The following POLL variants were observed in gnomAD, a reference collection of about 807,000 sequenced individuals.
POLL encodes the protein DNA polymerase beta-2.
Under a neutral mutation model 58.1 loss-of-function variants are expected in POLL, and 44 were observed. That is an observed-to-expected ratio of 0.76 (90% CI 0.60 to 0.97). POLL has a LOEUF of 0.97. POLL is among the 50% of genes least tolerant of loss of function. The pLI is 0.00. For synonymous variants in POLL, 290 were observed against 283.2 expected (o/e 1.02, Z -0.24); for missense variants, 632 against 736.8 (o/e 0.86, Z 1.65).
intron 4 of POLL, 46 bp from the exon 5 acceptor site, chr10:101,584,965 G>A (rs2063221744): frequency 7.9e-7 from 1 of 1,262,742 alleles, no homozygotes; most frequent in Admixed American, 3.5e-5. Flanking sequence ...TGTTCTCCAA[G>A]AGAAGGGATC....
In POLL at chr10:101,583,584, T is replaced by A; in HGVS notation, c.989A>T (p.Glu330Val). 6.2e-7 allele frequency: 1 copy of A among 1,614,104 alleles called. No homozygotes were observed. The highest frequency in any genetic ancestry group is 8.5e-7 in the Non-Finnish European group (1 of 1,180,028). Residue 330 changes from glutamate to valine, a missense_variant, in exon 6 of 9, where the codon GAG becomes GTG. Physicochemically the swap from Glu to Val is moderately radical, Grantham distance 121 (BLOSUM62 -2). Transcript: ENST00000370162. ...GHLRKLDHIS[E>V]SVPVLELFSN... ...GAAGAGCTCCAAGACAGGCACGCTC[T>A]CACTGATATGGTCCAGCTTCCGCAA...
In POLL at chr10:101,579,722, G is replaced by A. The variant is rs113383598; in HGVS notation, c.1459C>T (p.Arg487Trp). 8.7e-6 allele frequency: 14 copies of A among 1,613,718 alleles called. No individual in the cohort carries two copies. Among genetic ancestry groups the A allele is most frequent in the Middle Eastern group, 1.6e-4 (1 of 6,062 alleles). The change falls in exon 9 of 9, where the codon CGG becomes TGG. Residue 487 changes from arginine (R) to tryptophan (W), a missense_variant. Arg to Trp is a moderately radical substitution (Grantham distance 101). Transcript: ENST00000370162. This position sits in a 1 kb window ranked among gnomAD's most constrained non-coding sequence, Gnocchi z 4.4. ...GGCACCACGATGATGTCCAGGCGCC[G>A]GTGCCGCCGCCCTGGCCCTGGGAGC... ...CRLPGPGRRH[R>W]RLDIIVVPYS...
Position 101,584,627 on chromosome 10 carries a change from A to G in POLL, c.866T>C (p.Phe289Ser), listed in dbSNP as rs781387675. Residue 289 changes from phenylalanine to serine, a missense_variant, in exon 5 of 9, where the codon TTC becomes TCC. Transcript: ENST00000370162. Reference protein sequence around the residue: ...YAKAINALKSFHKPVTSYQEA... With the variant: ...YAKAINALKSSHKPVTSYQEA... ...CTGGTACGAGGTGACAGGCTTATGGAAGCTCTTGAGGGCATTGATGGCCTT... is the reference window on the plus strand; with the variant it reads ...CTGGTACGAGGTGACAGGCTTATGGGAGCTCTTGAGGGCATTGATGGCCTT... The G allele has an allele frequency of 6.3e-7, 1 of 1,587,590 alleles. No homozygotes were observed. The highest frequency in any genetic ancestry group is 1.4e-5 in the African/African-American group (1 of 73,982).
rs2063471903 is a variant in POLL, at chr10:101,587,823, T to C, written c.-48A>G. On this transcript the variant is annotated splice_region_variant and 5_prime_UTR_variant, in exon 1 of 9. Transcript: ENST00000370162. ...AAACCCCACATACTATTTCTCTACC[T>C]CCAACACAGACTCGCAGAGGAAGGA... is the stretch of plus-strand genomic sequence containing the variant. 4.2e-6 allele frequency: 5 copies of C among 1,190,514 alleles called. No individual in the cohort carries two copies. The highest frequency in any genetic ancestry group is 2.4e-4 in the Middle Eastern group (1 of 4,224). 73.7% of individuals were successfully genotyped at this position (1,190,514 alleles called of 1,614,324 possible).
At position 101,579,934 on chromosome 10, in the gene POLL, C is replaced by A; in HGVS notation, c.1364-117G>T. ...TTGCCCAGGTATTAGCTGGGTGACA[C>A]TACCCTCTCTGGGCCCTTCTCCTTT... On this transcript the variant is annotated intron_variant, in intron 8 of 8. Coordinates refer to ENST00000370162, the MANE Select transcript of POLL (RefSeq NM_001174084.2). The surrounding 1 kb of genome is among the most constrained non-coding windows in gnomAD (Gnocchi z 4.4). 8.9e-7 allele frequency: 1 copy of A among 1,127,862 alleles called. No individual in the cohort carries two copies. The allele number at this position is 1,127,862 out of a possible 1,614,324, so 69.9% of individuals were successfully genotyped here. A position where few individuals can be genotyped will look rare whatever the true frequency, so the allele number is the denominator to read the frequency against.
Position 101,579,977 on chromosome 10 carries a change from G to A in POLL, c.1364-160C>T, listed in dbSNP as rs2062890942. On this transcript the variant is annotated intron_variant, in intron 8 of 8. Transcript: ENST00000370162. This position sits in a 1 kb window ranked among gnomAD's most constrained non-coding sequence, Gnocchi z 4.4. Reference sequence around the variant, plus strand: ...TCTCCTTTTCTGTAAAACATGGATAGTAATTCCCATCTCCCCCATAGTGTC... The same window carrying A: ...TCTCCTTTTCTGTAAAACATGGATAATAATTCCCATCTCCCCCATAGTGTC... The A allele has an allele frequency of 1.2e-6, 1 of 811,670 alleles. No individual in the cohort carries two copies. Among genetic ancestry groups the A allele is most frequent in the Admixed American group, 2.9e-5 (1 of 34,236 alleles). The allele number at this position is 811,670 out of a possible 1,614,324, so 50.3% of individuals were successfully genotyped here. A position where few individuals can be genotyped will look rare whatever the true frequency, so the allele number is the denominator to read the frequency against.
intron 6 of POLL, 138 bp downstream of exon 6, chr10:101,583,370 G>C (rs988875228): frequency 2.2e-6 from 2 of 905,190 alleles, no homozygotes; most frequent in Admixed American, 2.3e-5. Flanking sequence ...TGGTCCGCTT[G>C]AAAAATGGTC....
Position 101,588,123 on chromosome 10 carries a change from A to T in POLL, c.-348T>A. 1 of 1,516,614 alleles carries T rather than the reference A, an allele frequency of 6.6e-7. No homozygotes were observed. The highest frequency in any genetic ancestry group is 8.8e-7 in the Non-Finnish European group (1 of 1,135,002). 93.9% of individuals were successfully genotyped at this position (1,516,614 alleles called of 1,614,324 possible). A position where few individuals can be genotyped will look rare whatever the true frequency, so the allele number is the denominator to read the frequency against. ...CGACCCCGGCCCCAAGAGTCTCTCC[A>T]ACCCCCAGAGTCGGTCCCCGGGTGG... On this transcript the variant is annotated 5_prime_UTR_variant, in exon 1 of 9. Coordinates refer to ENST00000370162, the MANE Select transcript of POLL (RefSeq NM_001174084.2).
At position 101,579,346 on chromosome 10, in the gene POLL, G is replaced by A; in HGVS notation, c.*107C>T. The stretch of plus-strand genomic sequence containing the variant: ...CTGGGCCCTGCTCGCTGAGGAAGCT[G>A]GTGGTTGGAGCGGCGAGGTTCAGCC... On this transcript the variant is annotated 3_prime_UTR_variant, in exon 9 of 9. Transcript: ENST00000370162. This position sits in a 1 kb window ranked among gnomAD's most constrained non-coding sequence, Gnocchi z 4.4. The A allele has an allele frequency of 7.5e-7, 1 of 1,328,296 alleles. No homozygotes were observed. Among genetic ancestry groups the A allele is most frequent in the Non-Finnish European group, 1.0e-6 (1 of 977,848 alleles). 82.3% of individuals were successfully genotyped at this position (1,328,296 alleles called of 1,614,324 possible). A position where few individuals can be genotyped will look rare whatever the true frequency, so the allele number is the denominator to read the frequency against.
In POLL at chr10:101,583,449, C is replaced by G. The variant is rs980359253; in HGVS notation, c.1065+59G>C. 3.2e-6 allele frequency: 5 copies of G among 1,575,994 alleles called. No homozygotes were observed. In the African/African-American group the frequency reaches 6.7e-5, roughly 21 times the overall value. ...ATCTGGGGCAGAGCACAGCACACAT[C>G]TGGGGCAGGAACTCTGAGACACAGC... is the stretch of plus-strand genomic sequence containing the variant. On this transcript the variant is annotated intron_variant, in intron 6 of 8. Transcript: ENST00000370162.
chr10:101,587,130 C>T, intron 2 of POLL, 116 bp downstream of exon 2: 2 of 1,607,552 alleles, frequency 1.2e-6, no homozygotes, highest in Non-Finnish European at 1.7e-6. Context: ...ACCTGCAGGC[C>T]CTGGACAGGC....
At chr10:101,583,291 C>T (rs1253338761) in intron 6 of POLL, 1 of 601,022 alleles carries the variant, frequency 1.7e-6, no homozygotes, top group East Asian at 2.7e-5. Context: ...CTTCTTGTCC[C>T]TGTCTACTCC....
In POLL at chr10:101,579,751, C is replaced by G; in HGVS notation, c.1430G>C (p.Cys477Ser). The change falls in exon 9 of 9, where the codon TGC becomes TCC. Residue 477 changes from cysteine (C) to serine (S), a missense_variant. Cys to Ser is a moderately radical substitution (Grantham distance 112). Coordinates refer to ENST00000370162, the MANE Select transcript of POLL (RefSeq NM_001174084.2). This position sits in a 1 kb window ranked among gnomAD's most constrained non-coding sequence, Gnocchi z 4.4. ...NGQQQKYLGV[C>S]RLPGPGRRHR... is the part of the protein sequence containing the mutation. ...CCGCCGCCCTGGCCCTGGGAGCCGG[C>G]ACACCCCCAAGTACTTCTGTTGCTG... 6.2e-7 allele frequency: 1 copy of G among 1,613,904 alleles called. No homozygotes were observed. The highest frequency in any genetic ancestry group is 8.5e-7 in the Non-Finnish European group (1 of 1,180,034).
chr10:101,585,471 C>A lies in POLL; in HGVS notation c.418G>T (p.Asp140Tyr). The change falls in exon 4 of 9, where the codon GAC (aspartate) becomes TAC (tyrosine). Residue 140 changes from aspartate to tyrosine, a missense_variant. Physicochemically the swap from Asp to Tyr is radical, Grantham distance 160. Transcript: ENST00000370162. ...TCTGCCTTGCTGGGCTGTGGATGGT[C>A]CAAGTACCTGTGGGGATGGTGATGG... The part of the protein sequence containing the change: ...FSIFIPSRYL[D>Y]HPQPSKAEQD... 1 of 1,539,840 alleles carries A rather than the reference C, an allele frequency of 6.5e-7. No individual in the cohort carries two copies. Among genetic ancestry groups the A allele is most frequent in the Non-Finnish European group, 8.7e-7 (1 of 1,143,500 alleles).
At chr10:101,585,759 C>A (rs2063290977) in intron 3 of POLL, 103 bp downstream of exon 3, 2 of 1,098,234 alleles carry the variant, frequency 1.8e-6, no homozygotes. Flanking sequence ...CCCCACCATG[C>A]CTGGCTAATT....
chr10:101,582,440 A>G (rs944998082), intron 7 of POLL, among the ~76,000 whole-genome samples: 1 of 152,174 alleles, frequency 6.6e-6, no homozygotes, highest in Non-Finnish European at 1.5e-5. Context: ...CTCAGTACAG[A>G]TATAATTCAC....
chr10:101,584,990 T>G, intron 4 of POLL, 71 bp from the exon 5 acceptor site: 5 of 686,922 alleles, frequency 7.3e-6, no homozygotes, highest in Non-Finnish European at 1.0e-5. Context: ...AAGGTGGGGG[T>G]CATCTTCTTT....
chr10:101,587,063 A>G, intron 2 of POLL, 183 bp downstream of exon 2: 1 of 1,300,800 alleles, frequency 7.7e-7, no homozygotes, highest in South Asian at 1.2e-5. Context: ...AAGGTAACAC[A>G]GCAAATAGCC....
intron 6 of POLL, chr10:101,583,290 C>T: frequency 1.7e-6 from 1 of 600,206 alleles, no homozygotes; most frequent in South Asian, 2.1e-5. Context: ...ACTTCTTGTC[C>T]CTGTCTACTC....
Sources: allele counts gnomAD v4.1 joint callset (sites outside exome capture counted in the v4.1 genomes callset), GRCh38; gene constraint gnomAD v4.1.1; non-coding constraint Gnocchi (gnomAD v3.1); transcripts MANE v1.5; gene names NCBI Gene and HGNC (gene_info 2026-07-23, HGNC 2026-07-21).